The following PHF8 variants were observed in gnomAD, a reference collection of about 807,000 sequenced individuals.
PHF8 encodes the protein PHD finger protein 8, also known as histone lysine demethylase PHF8.
Under a neutral mutation model 74.4 loss-of-function variants are expected in PHF8, and 9 were observed. That is an observed-to-expected ratio of 0.12 (90% confidence interval 0.07 to 0.21). PHF8 has a LOEUF of 0.21. PHF8 is among the 10% of genes least tolerant of loss of function. PHF8 has a pLI of 1.00. For synonymous variants in PHF8, 311 were observed against 316.6 expected (o/e 0.98, Z 0.19); for missense variants, 478 against 816.6 (o/e 0.59, Z 5.05).
intron 9 of PHF8, 142 bp from the exon 10 acceptor site, chrX:54,002,403 G>A: frequency 3.6e-6 from 2 of 548,255 alleles, no homozygotes; most frequent in South Asian, 2.5e-5. Flanking sequence ...TAGGAAACTT[G>A]GGTTCAAAGG....
chrX:53,990,597 T>G (rs2065643487), intron 14 of PHF8, among the ~76,000 whole-genome samples: 1 of 111,796 alleles, frequency 8.9e-6, no homozygotes, highest in African/African-American at 3.2e-5. Flanking sequence ...GTAACTGGAT[T>G]CTCAAACCCC....
rs150703103 is a variant in PHF8 at position 53,999,329 on chromosome X, G to C, written c.1233+541C>G. Among the ~76,000 whole-genome samples, 514 of 112,201 alleles carry C rather than the reference G, an allele frequency of 4.6e-3. 1 individual carries two copies. The highest frequency in any genetic ancestry group is 7.4e-3 in the Non-Finnish European group (392 of 53,274). On this transcript the variant is annotated intron_variant, in intron 11 of 21. Transcript: ENST00000338154. ...ACACATGTTTTCAGCTTACTTTATT[G>C]TAATAATACAGTATACAACACAAAT...
At chrX:53,946,739 T>G (rs2064838057) in intron 19 of PHF8, among the ~76,000 whole-genome samples, 1 of 112,111 alleles carries the variant, frequency 8.9e-6, no homozygotes, top group African/African-American at 3.2e-5. Flanking sequence ...TTTAGGAAAT[T>G]TGATTATGGA....
At chrX:53,957,607 T>C (rs1557089161) in intron 19 of PHF8, among the ~76,000 whole-genome samples, 1 of 112,094 alleles carries the variant, frequency 8.9e-6, no homozygotes, top group African/African-American at 3.2e-5. Flanking sequence ...TTCTCTTTCC[T>C]GCTTACTAAC....
intron 18 of PHF8, among the ~76,000 whole-genome samples, chrX:53,969,528 C>CT (rs1366679970): frequency 9.0e-6 from 1 of 111,566 alleles, no homozygotes; most frequent in African/African-American, 3.3e-5. Flanking sequence ...ACTAATATTG[C>CT]TAAAATGTCT....
chrX:54,017,893 C>T, intron 4 of PHF8, 72 bp from the exon 5 acceptor site: 2 of 1,031,045 alleles, frequency 1.9e-6, no homozygotes, highest in Non-Finnish European at 2.7e-6. Context: ...GGCTGCCACT[C>T]ACCCAAGAGG....
chrX:53,939,908 T>TGAAC (rs1317785841), intron 21 of PHF8, among the ~76,000 whole-genome samples: 4 of 111,067 alleles, frequency 3.6e-5, no homozygotes, highest in African/African-American at 1.3e-4. Flanking sequence ...CCTGCCTGCC[T>TGAAC]GAACTTGTAT....
chrX:54,007,985 A>G (rs1395626151), intron 8 of PHF8, among the ~76,000 whole-genome samples: 1 of 112,371 alleles, frequency 8.9e-6, no homozygotes, highest in Non-Finnish European at 1.9e-5. Flanking sequence ...ATAACAGCCA[A>G]AAAGTGCAAA....
chrX:53,977,987 C>G (rs1204545525), intron 18 of PHF8, among the ~76,000 whole-genome samples: 1 of 101,836 alleles, frequency 9.8e-6, no homozygotes, highest in East Asian at 3.1e-4. Flanking sequence ...CTCTGTCCCC[C>G]CAGGCTGGAG....
intron 19 of PHF8, among the ~76,000 whole-genome samples, chrX:53,954,096 T>C (rs1234345007): frequency 9.0e-6 from 1 of 111,720 alleles, no homozygotes; most frequent in Admixed American, 9.6e-5. Flanking sequence ...AGGCTCAAAA[T>C]AGATGAAGTG....
intron 8 of PHF8, among the ~76,000 whole-genome samples, chrX:54,007,112 A>T (rs2065908446): frequency 1.8e-5 from 2 of 111,790 alleles, no homozygotes; most frequent in South Asian, 7.4e-4. Flanking sequence ...ATAAACCCTT[A>T]TCTTTGGTCA....
chrX:54,022,648 G>C, intron 3 of PHF8, 110 bp downstream of exon 3: 1 of 543,367 alleles, frequency 1.8e-6, no homozygotes, highest in Admixed American at 2.7e-5. Flanking sequence ...GCTATTTCCT[G>C]AGGAAGAAGA....
Position 53,992,660 on chromosome X carries a change from C to T in PHF8, c.1730+76G>A, listed in dbSNP as rs1455382139. 6 of 606,139 alleles carry T rather than the reference C, an allele frequency of 9.9e-6. No individual in the cohort carries two copies. The South Asian group carries it at 1.4e-4, about 14-fold the overall frequency. 50.0% of individuals were successfully genotyped at this position (606,139 alleles called of 1,213,427 possible). A position where few individuals can be genotyped will look rare whatever the true frequency, so the allele number is the denominator to read the frequency against. ...TACCCATGTCCCAACCCCTAGATTCCAATTCCATGCCCTGTCTCAGTGGCA... is the reference window on the plus strand; with the variant it reads ...TACCCATGTCCCAACCCCTAGATTCTAATTCCATGCCCTGTCTCAGTGGCA... On this transcript the variant is annotated intron_variant, in intron 14 of 21. Transcript: ENST00000338154.
intron 20 of PHF8, among the ~76,000 whole-genome samples, chrX:53,942,078 A>G (rs1557083705): frequency 8.9e-6 from 1 of 111,738 alleles, no homozygotes; most frequent in Non-Finnish European, 1.9e-5. Flanking sequence ...ATTTATCCAG[A>G]TACTCCCACA....
chrX:53,978,229 A>C (rs982497924), intron 18 of PHF8, among the ~76,000 whole-genome samples: 3 of 110,128 alleles, frequency 2.7e-5, no homozygotes, highest in Admixed American at 9.7e-5. Context: ...TACAGGCACG[A>C]GCCACCACAC....
intron 14 of PHF8, among the ~76,000 whole-genome samples, chrX:53,988,698 G>A (rs782525149): frequency 1.5e-4 from 14 of 93,067 alleles, no homozygotes; most frequent in Admixed American, 4.8e-4. Flanking sequence ...CTCAGCTCAC[G>A]GCAACCTCCG....
rs782626729 is a variant in PHF8 at position 54,006,365 on chromosome X, C to T, written c.947-3683G>A. 6.4e-5 allele frequency among the ~76,000 whole-genome samples: 7 copies of T among 109,944 alleles called. 1 individual carries two copies. The South Asian group carries it at 2.4e-3, about 37-fold the overall frequency. ...GACGTGGTAGTGTACATCTGTGGTC[C>T]CAGCTACTTGGGAGGCTGAGGTGGG... On this transcript the variant is annotated intron_variant, in intron 8 of 21. Coordinates refer to ENST00000338154, the MANE Select transcript of PHF8 (RefSeq NM_015107.3).
chrX:54,031,841 A>C lies in PHF8; in HGVS notation c.99-8998T>G, dbSNP rs782073301. 6.2e-5 allele frequency among the ~76,000 whole-genome samples: 7 copies of C among 112,045 alleles called. No homozygotes were observed. The South Asian group carries it at 1.5e-3, about 24-fold the overall frequency. ...AGTTTCTCAGATTTTAGGGAATATT[A>C]GAAACACCTGGTAAGCTTGTTAAAA... On this transcript the variant is annotated intron_variant, in intron 2 of 21. Transcript: ENST00000338154.
rs1159910510 is a variant in PHF8, at chrX:54,036,102, C to CAAA, written c.98+6526_98+6528dup. Among the ~76,000 whole-genome samples, 221 of 26,218 alleles carry CAAA rather than the reference C, an allele frequency of 8.4e-3. 2 individuals carry two copies. The highest frequency in any genetic ancestry group is 0.028 in the African/African-American group (216 of 7,730). The allele number at this position is 26,218 out of a possible 115,157, so 22.8% of individuals were successfully genotyped here. A position where few individuals can be genotyped will look rare whatever the true frequency, so the allele number is the denominator to read the frequency against. On this transcript the variant is annotated intron_variant, in intron 2 of 21. Coordinates refer to ENST00000338154, the MANE Select transcript of PHF8 (RefSeq NM_015107.3). ...GGGCAACAAGAGCGAAACTCCATCT[C>CAAA]AAAAAAAAAAAAAAAAAAGAAAAGA...
Sources: gnomAD v4.1 joint callset for allele counts (sites outside exome capture counted in the v4.1 genomes callset) on GRCh38, gnomAD v4.1.1 for gene constraint, MANE v1.5 for transcripts, NCBI Gene and HGNC (gene_info 2026-07-23, HGNC 2026-07-21) for gene names.